FAM3C: variants seen among roughly 807,000 people sequenced by gnomAD.
FAM3C encodes the protein protein FAM3C.
A neutral mutation model predicts 32.5 loss-of-function variants in FAM3C; 15 were observed. The observed-to-expected ratio is 0.46, with a 90% CI of 0.31 to 0.71. The LOEUF is 0.71. Ranked by LOEUF, FAM3C falls within the 30% of genes least tolerant of loss-of-function variation. The pLI, the probability that FAM3C is intolerant of heterozygous loss-of-function variation, is 0.05. For missense variants in FAM3C, 175 were observed against 274.4 expected (o/e 0.64, Z 2.56); for synonymous variants, 75 against 86.1 (o/e 0.87, Z 0.72).
At chr7:121,384,095 G>C (rs915615002) in intron 1 of FAM3C, among the ~76,000 whole-genome samples, 1 of 152,086 alleles carries the variant, frequency 6.6e-6, no homozygotes, top group Non-Finnish European at 1.5e-5. Context: ...CAGGGTTCTG[G>C]GGGGCGGGGG....
chr7:121,372,195 CTT>C (rs1794162705), intron 3 of FAM3C, 56 bp from the exon 4 acceptor site: 4 of 1,215,330 alleles, frequency 3.3e-6, no homozygotes, highest in Non-Finnish European at 1.2e-6. Context: ...CAAGTATCCA[CTT>C]TTAAAATATA....
chr7:121,369,140 C>T (rs1346312657), intron 5 of FAM3C, among the ~76,000 whole-genome samples: 2 of 151,942 alleles, frequency 1.3e-5, no homozygotes, highest in Non-Finnish European at 2.9e-5. Context: ...TGCCACCACG[C>T]CCGGCTAACT....
chr7:121,362,659 C>G (rs1793948831), intron 7 of FAM3C: 2 of 437,806 alleles, frequency 4.6e-6, no homozygotes, highest in East Asian at 8.5e-5. Context: ...AAAAAAATCT[C>G]AATTTTGATA....
chr7:121,371,404 A>C lies in FAM3C; in HGVS notation c.168T>G (p.Tyr56Ter). 1 of 1,613,928 alleles carries C rather than the reference A, an allele frequency of 6.2e-7. No homozygotes were observed. Among genetic ancestry groups the C allele is most frequent in the Non-Finnish European group, 8.5e-7 (1 of 1,179,846 alleles). ...GGCAAGCTTTTGAGATCCCACACTTATATCTGGGAGGCTTTGTAGCTTTGG... is the reference window on the plus strand; with the variant it reads ...GGCAAGCTTTTGAGATCCCACACTTCTATCTGGGAGGCTTTGTAGCTTTGG... ...TAARSTKPPRYKCGISKACPE... is the reference protein window; with the variant it reads ...TAARSTKPPR Residue 56 changes from tyrosine to a stop codon, truncating the protein, a stop_gained, in exon 5 of 10, where the codon TAT (tyrosine) becomes TAG (stop). Transcript: ENST00000359943. LOFTEE classifies it high-confidence loss of function.
At chr7:121,388,514 G>A in intron 1 of FAM3C, among the ~76,000 whole-genome samples, 1 of 152,080 alleles carries the variant, frequency 6.6e-6, no homozygotes, top group Non-Finnish European at 1.5e-5. Context: ...TGATGTAAAT[G>A]TATCCACTCC....
intron 5 of FAM3C, among the ~76,000 whole-genome samples, chr7:121,365,755 G>C (rs1401958012): frequency 6.6e-6 from 1 of 152,030 alleles, no homozygotes; most frequent in East Asian, 1.9e-4. Context: ...ACTACACACT[G>C]TCTACAAGAA....
chr7:121,370,733 C>T (rs1794128950), intron 5 of FAM3C, among the ~76,000 whole-genome samples: 1 of 152,176 alleles, frequency 6.6e-6, no homozygotes, highest in Non-Finnish European at 1.5e-5. Context: ...GATCATTTCA[C>T]ACTTCAACAA....
At chr7:121,374,004 A>G (rs1292117443) in intron 3 of FAM3C, among the ~76,000 whole-genome samples, 1 of 152,108 alleles carries the variant, frequency 6.6e-6, no homozygotes, top group Non-Finnish European at 1.5e-5. Context: ...TCAAAAAAAA[A>G]AAAGAAAAAA....
chr7:121,350,524 G>C lies in FAM3C; in HGVS notation c.621C>G (p.Asn207Lys). The change falls in exon 10 of 10, where the codon AAC becomes AAG. Residue 207 changes from asparagine (N) to lysine (K), a missense_variant. Physicochemically the swap from Asn to Lys is moderately conservative, Grantham distance 94. Transcript: ENST00000359943. ...EQHIKNNKDT[N>K]KYEGWPEVVE... Reference sequence around the variant, plus strand: ...CAACTTCAGGCCATCCTTCATATTTGTTTGTATCCTTATTGTTCTTTATGT... The same window carrying C: ...CAACTTCAGGCCATCCTTCATATTTCTTTGTATCCTTATTGTTCTTTATGT... 1.2e-6 allele frequency: 2 copies of C among 1,612,834 alleles called. No individual in the cohort carries two copies. Among genetic ancestry groups the C allele is most frequent in the African/African-American group, 1.3e-5 (1 of 74,900 alleles).
intron 3 of FAM3C, among the ~76,000 whole-genome samples, chr7:121,375,296 C>T (rs1268392551): frequency 6.6e-6 from 1 of 152,018 alleles, no homozygotes; most frequent in African/African-American, 2.4e-5. Flanking sequence ...GGGTGAGGAA[C>T]CAGGACGAGC....
chr7:121,361,489 A>T (rs1164806535), intron 7 of FAM3C, among the ~76,000 whole-genome samples: 2 of 152,208 alleles, frequency 1.3e-5, no homozygotes, highest in Non-Finnish European at 2.9e-5. Context: ...AGAAGTAAGG[A>T]ATACCAGAGC....
chr7:121,380,931 G>A (rs1356704618), intron 2 of FAM3C, among the ~76,000 whole-genome samples: 1 of 152,016 alleles, frequency 6.6e-6, no homozygotes, highest in Non-Finnish European at 1.5e-5. Flanking sequence ...GCAACATTGA[G>A]TCTTAAACCA....
At chr7:121,379,734 T>G (rs1403628437) in intron 2 of FAM3C, among the ~76,000 whole-genome samples, 3 of 152,182 alleles carry the variant, frequency 2.0e-5, no homozygotes, top group Admixed American at 2.0e-4. Context: ...CTCATTTCTG[T>G]ATAGAAACAC....
chr7:121,357,371 C>T (rs894844717), intron 8 of FAM3C, among the ~76,000 whole-genome samples: 2 of 152,046 alleles, frequency 1.3e-5, no homozygotes, highest in Admixed American at 1.3e-4. Flanking sequence ...AATTCAATGG[C>T]CTTAAATAAG....
intron 8 of FAM3C, among the ~76,000 whole-genome samples, chr7:121,353,461 A>G (rs1231405069): frequency 6.6e-6 from 1 of 152,226 alleles, no homozygotes; most frequent in Admixed American, 6.5e-5. Flanking sequence ...ATATGCATTA[A>G]CATAGCAGGC....
upstream of FAM3C, chr7:121,396,348 C>T (rs1794699875): frequency 6.6e-6 from 1 of 152,246 alleles, no homozygotes; most frequent in East Asian, 1.9e-4. Context: ...CCTCCTCCCA[C>T]GCTTCCCGGC....
At chr7:121,367,365 C>G (rs1028233496) in intron 5 of FAM3C, among the ~76,000 whole-genome samples, 3 of 152,142 alleles carry the variant, frequency 2.0e-5, no homozygotes, top group Admixed American at 1.3e-4. Flanking sequence ...CGAGCCAAAT[C>G]CTGCCAACTG....
intron 6 of FAM3C, among the ~76,000 whole-genome samples, chr7:121,363,542 C>G (rs1299365652): frequency 2.0e-5 from 3 of 151,958 alleles, no homozygotes; most frequent in Admixed American, 6.6e-5. Flanking sequence ...GGTTTCTAAC[C>G]ATCCTATATA....
intron 1 of FAM3C, among the ~76,000 whole-genome samples, chr7:121,392,672 C>T (rs1172188894): frequency 6.6e-6 from 1 of 152,210 alleles, no homozygotes; most frequent in African/African-American, 2.4e-5. Context: ...TTAGGTAGCA[C>T]ACCTGACACC....
Sources: allele counts gnomAD v4.1 joint callset (sites outside exome capture counted in the v4.1 genomes callset), GRCh38; gene constraint gnomAD v4.1.1; transcripts MANE v1.5; gene names NCBI Gene and HGNC (gene_info 2026-07-23, HGNC 2026-07-21).